Variants in TENM3 observed in about 807,000 individuals in gnomAD.
TENM3 encodes teneurin-3.
TENM3 carries 63 observed loss-of-function variants against 255.1 expected under a neutral mutation model. The observed-to-expected ratio is 0.25, with a 90% CI of 0.20 to 0.30. The LOEUF (loss-of-function observed/expected upper bound fraction) is 0.30, where lower values mean the gene tolerates loss of function less well. Ranked by LOEUF, TENM3 falls within the 10% of genes least tolerant of loss-of-function variation. The pLI is 1.00. For synonymous variants in TENM3, 1,306 were observed against 1,322.3 expected, an observed-to-expected ratio of 0.99 and a Z score of 0.27; for missense variants, 2,929 against 3,461.1, an observed-to-expected ratio of 0.85 and a Z score of 3.86.
the TENM3 span, among the ~76,000 whole-genome samples, chr4:181,496,805 T>C: frequency 1.3e-5 from 2 of 152,216 alleles, no homozygotes; most frequent in African/African-American, 4.8e-5. Flanking sequence ...TTTATACTTA[T>C]GAGCCCTGAG....
At chr4:181,692,814 C>T in the TENM3 span, among the ~76,000 whole-genome samples, 4 of 152,112 alleles carry the variant, frequency 2.6e-5, no homozygotes, top group Admixed American at 6.6e-5. Flanking sequence ...TCTTTATTTG[C>T]TTAATAACAC....
intron 3 of TENM3, among the ~76,000 whole-genome samples, chr4:182,350,730 G>A (rs774741683): frequency 2.6e-5 from 4 of 152,182 alleles, no homozygotes; most frequent in Non-Finnish European, 5.9e-5. Flanking sequence ...TGTCGCCCAG[G>A]CTGGAGTGCA....
In TENM3 at chr4:182,624,864, G is replaced by A. The variant is rs779348416; in HGVS notation, c.750-3787G>A. On this transcript the variant is annotated intron_variant, in intron 4 of 27. Transcript: ENST00000511685. ...TAGTACTTCAGAAACTTGATTTACC[G>A]CACAAATAAATAACAAGATCACTGA... Among the ~76,000 whole-genome samples, 27 of 152,218 alleles carry A rather than the reference G, an allele frequency of 1.8e-4. 2 individuals are homozygous for A. The highest frequency in any genetic ancestry group is 3.9e-4 in the Admixed American group (6 of 15,284).
intron 12 of TENM3, chr4:182,708,108 T>C (rs1402030611): frequency 6.6e-6 from 1 of 151,990 alleles, no homozygotes; most frequent in Non-Finnish European, 1.5e-5. Context: ...CCCAAGTTAA[T>C]CACTCCTCTC....
intron 1 of TENM3, among the ~76,000 whole-genome samples, chr4:182,268,591 G>A (rs575191517): frequency 6.6e-6 from 1 of 152,242 alleles, no homozygotes; most frequent in East Asian, 1.9e-4. Flanking sequence ...GAATGAGATA[G>A]GAGCTCAGCA....
chr4:181,671,678 C>A, the TENM3 span, among the ~76,000 whole-genome samples: 1 of 152,250 alleles, frequency 6.6e-6, no homozygotes, highest in South Asian at 2.1e-4. Context: ...TATTGCATAG[C>A]AGGTTAGTAC....
intron 1 of TENM3, among the ~76,000 whole-genome samples, chr4:182,288,642 G>A (rs552149900): frequency 6.6e-6 from 1 of 152,280 alleles, no homozygotes; most frequent in African/African-American, 2.4e-5. Context: ...ACTAGGTACT[G>A]CCATTTCCAT....
the TENM3 span, among the ~76,000 whole-genome samples, chr4:181,965,690 CA>C: frequency 6.6e-6 from 1 of 152,210 alleles, no homozygotes; most frequent in South Asian, 2.1e-4. Flanking sequence ...AGTCAGGCTC[CA>C]AACAAGAGTC....
chr4:181,819,275 T>A, the TENM3 span, among the ~76,000 whole-genome samples: 1 of 151,964 alleles, frequency 6.6e-6, no homozygotes, highest in Non-Finnish European at 1.5e-5. Context: ...ATCGGCCTAG[T>A]CCCACCCAAA....
chr4:181,995,328 G>A, the TENM3 span, among the ~76,000 whole-genome samples: 2 of 152,096 alleles, frequency 1.3e-5, no homozygotes, highest in South Asian at 4.1e-4. Context: ...AAACAATACA[G>A]TGAATTACAT....
At chr4:182,529,729 A>T (rs1250683892) in intron 3 of TENM3, among the ~76,000 whole-genome samples, 1 of 152,050 alleles carries the variant, frequency 6.6e-6, no homozygotes, top group Non-Finnish European at 1.5e-5. Context: ...TATTTGTTCA[A>T]CACCAATTTA....
At chr4:181,664,299 G>A in the TENM3 span, among the ~76,000 whole-genome samples, 15 of 151,788 alleles carry the variant, frequency 9.9e-5, no homozygotes, top group East Asian at 1.9e-4. Flanking sequence ...GTGAAACCCC[G>A]TCTCCACAAA....
At chr4:182,100,286 C>G in the TENM3 span, among the ~76,000 whole-genome samples, 10 of 151,762 alleles carry the variant, frequency 6.6e-5, no homozygotes, top group African/African-American at 2.2e-4. Flanking sequence ...TCCATTTCTT[C>G]ATGTCTCATC....
intron 3 of TENM3, among the ~76,000 whole-genome samples, chr4:182,395,288 G>A (rs1768731609): frequency 6.6e-6 from 1 of 152,046 alleles, no homozygotes; most frequent in African/African-American, 2.4e-5. Flanking sequence ...TAGGAGATTT[G>A]GCCAGAAAAG....
In TENM3 at chr4:182,731,037, T is replaced by C; in HGVS notation, c.2865T>C (p.Asp955=). The C allele has an allele frequency of 6.2e-7, 1 of 1,613,972 alleles. No individual in the cohort carries two copies. Among genetic ancestry groups the C allele is most frequent in the Non-Finnish European group, 8.5e-7 (1 of 1,179,862 alleles). The change falls in exon 16 of 28, where the codon GAT becomes GAC. Residue 955 remains aspartate (D), a synonymous_variant. Coordinates refer to ENST00000511685, the MANE Select transcript of TENM3 (RefSeq NM_001080477.4). The stretch of plus-strand genomic sequence containing the variant: ...AAGAGAATGACATTCCCAGCTGTGA[T>C]CTGAGTGGATTCGTGAGGCCAAATC... ...KKEENDIPSC[D]LSGFVRPNPI... is the part of the protein sequence containing the mutation.
chr4:182,778,647 T>A (rs79227563), intron 24 of TENM3, among the ~76,000 whole-genome samples: 2,978 of 152,330 alleles, frequency 0.02, 96 homozygotes, highest in African/African-American at 0.067. Flanking sequence ...AGCGTCATAT[T>A]CTTTTCAAGC....
chr4:182,714,315 C>CAAAAA (rs374337174), intron 13 of TENM3, 82 bp downstream of exon 13: 3 of 140,952 alleles, frequency 2.1e-5, no homozygotes, highest in Non-Finnish European at 3.9e-5. Context: ...TATCTGTTGC[C>CAAAAA]AAAAAAAAAA....
the TENM3 span, among the ~76,000 whole-genome samples, chr4:181,718,934 C>T: frequency 4.6e-5 from 7 of 152,254 alleles, no homozygotes; most frequent in East Asian, 1.9e-4. Flanking sequence ...GGGCCGGGCG[C>T]GGCGGCTCAC....
intron 19 of TENM3, chr4:182,744,272 C>T: frequency 3.1e-6 from 2 of 642,140 alleles, no homozygotes; most frequent in Non-Finnish European, 3.9e-6. Flanking sequence ...AGAGAGGAAA[C>T]TCAGTATCAC....
Sources: allele counts gnomAD v4.1 joint callset (sites outside exome capture counted in the v4.1 genomes callset), GRCh38; gene constraint gnomAD v4.1.1; transcripts MANE v1.5; gene names NCBI Gene and HGNC (gene_info 2026-07-23, HGNC 2026-07-21).